Variants in EML6 observed in about 807,000 individuals in gnomAD.
EML6 encodes echinoderm microtubule-associated protein-like 6.
A neutral mutation model predicts 240.1 loss-of-function variants in EML6; 154 were observed. The ratio of observed to expected loss-of-function variants is 0.64; its 90% confidence interval spans 0.56 to 0.73. The LOEUF (loss-of-function observed/expected upper bound fraction) is 0.73, where lower values mean the gene tolerates loss of function less well. Ranked by LOEUF, EML6 falls within the 30% of genes least tolerant of loss-of-function variation. EML6 has a pLI of 0.00. For synonymous variants in EML6, 1,148 were observed against 899.0 expected (o/e 1.28, Z -4.95); for missense variants, 2,964 against 2,474.6 (o/e 1.20, Z -4.20).
At chr2:54,728,780 C>T (rs1050255220) in intron 2 of EML6, among the ~76,000 whole-genome samples, 2 of 152,202 alleles carry the variant, frequency 1.3e-5, no homozygotes, top group Non-Finnish European at 2.9e-5. Context: ...TTCATCATTG[C>T]TCACAGGCAG....
At chr2:54,790,408 G>C (rs766805789) in intron 2 of EML6, among the ~76,000 whole-genome samples, 12 of 152,180 alleles carry the variant, frequency 7.9e-5, no homozygotes, top group Non-Finnish European at 1.3e-4. Context: ...CTAACTCTGT[G>C]AGCTGTACTC....
At chr2:54,905,439 T>C (rs565551854) in intron 24 of EML6, among the ~76,000 whole-genome samples, 1 of 151,278 alleles carries the variant, frequency 6.6e-6, no homozygotes, top group South Asian at 2.1e-4. Context: ...TTAAAACCCA[T>C]TATTGTTTCT....
rs958077140 is a variant in EML6, at chr2:54,859,525, T to C, written c.1658-9T>C. The C allele has an allele frequency of 9.0e-6, 14 of 1,547,976 alleles. No homozygotes were observed. The highest frequency in any genetic ancestry group is 1.2e-5 in the Non-Finnish European group (14 of 1,145,544). Reference sequence around the variant, plus strand: ...TCATAACTAATCCTCTCAAAAAATATTCTTTCAGGAGCCAAATTTAGAAAG... The same window carrying C: ...TCATAACTAATCCTCTCAAAAAATACTCTTTCAGGAGCCAAATTTAGAAAG... On this transcript the variant is annotated splice_polypyrimidine_tract_variant and intron_variant, in intron 11 of 41. Coordinates refer to ENST00000356458, the MANE Select transcript of EML6 (RefSeq NM_001039753.4).
intron 2 of EML6, among the ~76,000 whole-genome samples, chr2:54,735,916 C>T (rs536712038): frequency 6.6e-5 from 10 of 152,138 alleles, no homozygotes; most frequent in African/African-American, 2.2e-4. Flanking sequence ...AGTAGGGCTT[C>T]GAGGGAAGAC....
chr2:54,946,757 G>A (rs1198218869), intron 28 of EML6, among the ~76,000 whole-genome samples: 3 of 152,174 alleles, frequency 2.0e-5, no homozygotes, highest in East Asian at 1.9e-4. Flanking sequence ...ATCCACAACC[G>A]CGAAGGGTCA....
intron 2 of EML6, among the ~76,000 whole-genome samples, chr2:54,788,955 C>T (rs1300365475): frequency 6.6e-6 from 1 of 152,190 alleles, no homozygotes; most frequent in Non-Finnish European, 1.5e-5. Flanking sequence ...CTATTCCCTT[C>T]TCCATCCGCC....
rs777589878 is a variant in EML6 at position 54,970,927 on chromosome 2, T to G, written c.*832T>G. ...ACAGGGTAGAATTATGGGTTTTCATTGTGTTTCATGCCAAACCCACAAAAT... is the reference window on the plus strand; with the variant it reads ...ACAGGGTAGAATTATGGGTTTTCATGGTGTTTCATGCCAAACCCACAAAAT... On this transcript the variant is annotated 3_prime_UTR_variant, in exon 42 of 42. Coordinates refer to ENST00000356458, the MANE Select transcript of EML6 (RefSeq NM_001039753.4). The G allele has an allele frequency of 2.0e-5, 3 of 152,224 alleles. No homozygotes were observed. The highest frequency in any genetic ancestry group is 4.4e-5 in the Non-Finnish European group (3 of 68,044). The allele number at this position is 152,224 out of a possible 1,614,324, so 9.4% of individuals were successfully genotyped here.
intron 2 of EML6, among the ~76,000 whole-genome samples, chr2:54,740,167 G>A (rs1683567911): frequency 6.6e-6 from 1 of 152,178 alleles, no homozygotes; most frequent in Non-Finnish European, 1.5e-5. Flanking sequence ...TTGCTCAGGA[G>A]AGAGCTGTGA....
At chr2:54,922,843 G>A (rs956609716) in intron 26 of EML6, among the ~76,000 whole-genome samples, 1 of 150,244 alleles carries the variant, frequency 6.7e-6, no homozygotes, top group Non-Finnish European at 1.5e-5. Context: ...AGCTAAAAAA[G>A]TTGAACTCAC....
chr2:54,875,586 G>A (rs1671464813), intron 16 of EML6, among the ~76,000 whole-genome samples: 1 of 152,232 alleles, frequency 6.6e-6, no homozygotes, highest in African/African-American at 2.4e-5. Context: ...GCACAGTTAT[G>A]TGTGAGGATT....
chr2:54,967,476 G>A (rs1676799962), intron 39 of EML6, among the ~76,000 whole-genome samples: 1 of 152,154 alleles, frequency 6.6e-6, no homozygotes, highest in African/African-American at 2.4e-5. Context: ...GAGAAACAAT[G>A]GCTAATTCAT....
chr2:54,906,812 G>A lies in EML6; in HGVS notation c.3409+3310G>A, dbSNP rs952821171. 1.8e-4 allele frequency among the ~76,000 whole-genome samples: 27 copies of A among 152,288 alleles called. No homozygotes were observed. The South Asian group carries it at 2.5e-3, about 14-fold the overall frequency. On this transcript the variant is annotated intron_variant, in intron 24 of 41. Coordinates refer to ENST00000356458, the MANE Select transcript of EML6 (RefSeq NM_001039753.4). Reference sequence around the variant, plus strand: ...CTCAGTCCCCAAAATGCCTGATCTCGAGAATGTGCCATGCTGCCTCAAGAC... The same window carrying A: ...CTCAGTCCCCAAAATGCCTGATCTCAAGAATGTGCCATGCTGCCTCAAGAC...
chr2:54,749,698 GA>G (rs1684071789), intron 2 of EML6, among the ~76,000 whole-genome samples: 1 of 152,100 alleles, frequency 6.6e-6, no homozygotes, highest in Admixed American at 6.6e-5. Flanking sequence ...AGAAGAAACT[GA>G]GGCCTGGAGT....
intron 15 of EML6, among the ~76,000 whole-genome samples, chr2:54,870,910 C>G (rs1285042969): frequency 1.3e-5 from 2 of 152,170 alleles, no homozygotes; most frequent in Non-Finnish European, 2.9e-5. Context: ...CCCCACCCCC[C>G]ACTACATATT....
At chr2:54,738,054 A>T (rs552286312) in intron 2 of EML6, among the ~76,000 whole-genome samples, 5 of 152,226 alleles carry the variant, frequency 3.3e-5, no homozygotes, top group African/African-American at 1.2e-4. Flanking sequence ...ACCTTAACTG[A>T]TTACTCTATT....
chr2:54,944,795 A>G (rs1675596646), intron 28 of EML6, among the ~76,000 whole-genome samples: 2 of 152,068 alleles, frequency 1.3e-5, no homozygotes, highest in South Asian at 4.1e-4. Context: ...TGGAAGACAT[A>G]GGAATACACT....
chr2:54,726,582 C>T (rs1031938240), intron 2 of EML6, among the ~76,000 whole-genome samples: 3 of 152,096 alleles, frequency 2.0e-5, no homozygotes, highest in African/African-American at 7.2e-5. Flanking sequence ...GTGGAACTAG[C>T]ATGTAAAACT....
intron 38 of EML6, among the ~76,000 whole-genome samples, chr2:54,965,635 T>C (rs1192400833): frequency 1.3e-5 from 2 of 152,026 alleles, no homozygotes; most frequent in Admixed American, 6.5e-5. Context: ...GATGAAATCA[T>C]AGGGAGTTGA....
chr2:54,934,118 G>A (rs1449982980), intron 28 of EML6, among the ~76,000 whole-genome samples: 1 of 152,116 alleles, frequency 6.6e-6, no homozygotes, highest in Admixed American at 6.5e-5. Flanking sequence ...ATGACTGGAT[G>A]GTAATGTGAA....
Sources: allele counts gnomAD v4.1 joint callset (sites outside exome capture counted in the v4.1 genomes callset), GRCh38; gene constraint gnomAD v4.1.1; transcripts MANE v1.5; gene names NCBI Gene and HGNC (gene_info 2026-07-23, HGNC 2026-07-21).